KATNAL2: variants seen among roughly 807,000 people sequenced by gnomAD.
The protein encoded by KATNAL2 is katanin p60 ATPase-containing subunit A-like 2.
Under a neutral mutation model 76.3 loss-of-function variants are expected in KATNAL2, and 52 were observed. That is an observed-to-expected ratio of 0.68 (90% CI 0.55 to 0.86). KATNAL2 has a LOEUF of 0.86. Ranked by LOEUF, KATNAL2 falls within the 40% of genes least tolerant of loss-of-function variation. The probability of loss-of-function intolerance (pLI) is 0.00; values close to 1 mark genes in which losing one functional copy is unlikely to be tolerated. For synonymous variants in KATNAL2, 243 were observed against 244.2 expected, an observed-to-expected ratio of 1.00 and a Z score of 0.05; for missense variants, 660 against 668.9, an observed-to-expected ratio of 0.99 and a Z score of 0.15.
chr18:47,101,107 T>C lies in KATNAL2; in HGVS notation c.*102T>C, dbSNP rs2063432511. 2 of 1,354,694 alleles carry C rather than the reference T, an allele frequency of 1.5e-6. No individual in the cohort carries two copies. Among genetic ancestry groups the C allele is most frequent in the African/African-American group, 2.9e-5 (2 of 68,858 alleles). 83.9% of individuals were successfully genotyped at this position (1,354,694 alleles called of 1,614,324 possible). ...AATGATTGGAATGGAAAAGAGAAAA[T>C]TATTTTTGAAGACTGGATTAACTTG... On this transcript the variant is annotated 3_prime_UTR_variant, in exon 18 of 18. Coordinates refer to ENST00000683218, the MANE Select transcript of KATNAL2 (RefSeq NM_001387690.1).
chr18:46,935,408 A>T (rs548732539), intron 1 of KATNAL2, among the ~76,000 whole-genome samples: 3 of 152,266 alleles, frequency 2.0e-5, no homozygotes, highest in Admixed American at 6.5e-5. Context: ...CCCAGCCAGC[A>T]CAGTTATTTT....
chr18:47,082,878 T>G (rs2147297620), intron 15 of KATNAL2, among the ~76,000 whole-genome samples: 1 of 152,346 alleles, frequency 6.6e-6, no homozygotes, highest in South Asian at 2.1e-4. Flanking sequence ...CCGCAGAGGT[T>G]GTACCACTTT....
chr18:47,075,426 CTT>C (rs911540174), intron 14 of KATNAL2, 58 bp downstream of exon 14: 2 of 1,270,862 alleles, frequency 1.6e-6, no homozygotes, highest in Non-Finnish European at 2.1e-6. Context: ...CTTCTCCCCT[CTT>C]GTGTGTTTGA....
chr18:46,932,460 A>G (rs2058956604), intron 1 of KATNAL2, among the ~76,000 whole-genome samples: 1 of 151,708 alleles, frequency 6.6e-6, no homozygotes, highest in Non-Finnish European at 1.5e-5. Context: ...GGATTACCTG[A>G]GGTCAGGAGT....
chr18:46,953,604 A>G (rs764121210), intron 3 of KATNAL2, among the ~76,000 whole-genome samples: 3 of 152,182 alleles, frequency 2.0e-5, no homozygotes, highest in African/African-American at 4.8e-5. Context: ...AAAAATAAGC[A>G]AAATGAACTG....
At chr18:47,073,149 C>T (rs568466664) in intron 13 of KATNAL2, among the ~76,000 whole-genome samples, 105 of 152,248 alleles carry the variant, frequency 6.9e-4, no homozygotes, top group Non-Finnish European at 9.1e-4. Context: ...TTTGCTTCTC[C>T]ACACCCTGGC....
Position 46,946,174 on chromosome 18 carries a change from G to C in KATNAL2, c.-392G>C. The C allele has an allele frequency of 1.0e-6, 1 of 991,242 alleles. No individual in the cohort carries two copies. The highest frequency in any genetic ancestry group is 1.2e-6 in the Non-Finnish European group (1 of 826,716). The allele number at this position is 991,242 out of a possible 1,614,324, so 61.4% of individuals were successfully genotyped here. ...ATTTGGAATAGGATTCACAGCAAGAGAGACAGAAGGGAAAGACATTGAAGA... is the reference window on the plus strand; with the variant it reads ...ATTTGGAATAGGATTCACAGCAAGACAGACAGAAGGGAAAGACATTGAAGA... On this transcript the variant is annotated 5_prime_UTR_variant, in exon 2 of 18. Coordinates refer to ENST00000683218, the MANE Select transcript of KATNAL2 (RefSeq NM_001387690.1).
intron 1 of KATNAL2, among the ~76,000 whole-genome samples, chr18:46,930,688 A>AGTTGGGAG (rs2058880448): frequency 6.6e-6 from 1 of 150,950 alleles, no homozygotes; most frequent in Non-Finnish European, 1.5e-5. Flanking sequence ...TGTGGCAGGC[A>AGTTGGGAG]CCTGTAATTC....
chr18:47,073,552 A>G (rs1245006289), intron 13 of KATNAL2, among the ~76,000 whole-genome samples: 1 of 152,176 alleles, frequency 6.6e-6, no homozygotes, highest in African/African-American at 2.4e-5. Flanking sequence ...ACCCTTCAGG[A>G]CCTTCCCCTA....
Position 47,059,087 on chromosome 18 carries a change from A to G in KATNAL2, c.451-469A>G, listed in dbSNP as rs181407108. On this transcript the variant is annotated intron_variant, in intron 7 of 17. Coordinates refer to ENST00000683218, the MANE Select transcript of KATNAL2 (RefSeq NM_001387690.1). The stretch of plus-strand genomic sequence containing the variant: ...TCACAATATCCGATTGGTCAAAAGG[A>G]TTCTCTCCCCCTCAAGGAGGTCCTA... Among the ~76,000 whole-genome samples, 7 of 152,276 alleles carry G rather than the reference A, an allele frequency of 4.6e-5. No homozygotes were observed. In the East Asian group the frequency reaches 9.7e-4, roughly 21 times the overall value.
In KATNAL2 at chr18:46,961,814, G is replaced by A. The variant is rs530724384; in HGVS notation, c.51+14891G>A. ...ATGGCATTTTTGATTTGGGCTTTCT[G>A]CTAGGTAAAAAAGTCAAAACACTGC... On this transcript the variant is annotated intron_variant, in intron 3 of 17. Transcript: ENST00000683218. Among the ~76,000 whole-genome samples, 20 of 152,268 alleles carry A rather than the reference G, an allele frequency of 1.3e-4. No individual in the cohort carries two copies. The South Asian group carries it at 3.9e-3, about 30-fold the overall frequency.
chr18:47,071,074 A>T (rs1433700951), intron 13 of KATNAL2, among the ~76,000 whole-genome samples: 2 of 152,138 alleles, frequency 1.3e-5, no homozygotes, highest in African/African-American at 4.8e-5. Context: ...TATTCACAGG[A>T]TGCAAAACCC....
At chr18:46,941,538 A>G (rs2059246213) in intron 1 of KATNAL2, among the ~76,000 whole-genome samples, 1 of 152,116 alleles carries the variant, frequency 6.6e-6, no homozygotes, top group Admixed American at 6.6e-5. Context: ...ATAAAAATAA[A>G]GTGCCTTGAG....
intron 1 of KATNAL2, among the ~76,000 whole-genome samples, chr18:46,944,758 A>T (rs933628583): frequency 2.6e-5 from 4 of 152,044 alleles, no homozygotes; most frequent in Non-Finnish European, 5.9e-5. Flanking sequence ...AAATAAAAAT[A>T]AAAAATAAAG....
At chr18:47,096,724 T>G (rs2063256538) in intron 15 of KATNAL2, among the ~76,000 whole-genome samples, 1 of 152,186 alleles carries the variant, frequency 6.6e-6, no homozygotes, top group Non-Finnish European at 1.5e-5. Flanking sequence ...CTCAAGATGA[T>G]CTATTGATAA....
chr18:46,925,054 C>T (rs1012222446), intron 1 of KATNAL2, among the ~76,000 whole-genome samples: 1 of 152,094 alleles, frequency 6.6e-6, no homozygotes, highest in African/African-American at 2.4e-5. Flanking sequence ...TTCCTCTTTT[C>T]CCAATTGAAT....
chr18:47,047,478 G>A (rs917388803), intron 4 of KATNAL2, among the ~76,000 whole-genome samples: 9 of 151,946 alleles, frequency 5.9e-5, no homozygotes, highest in African/African-American at 9.7e-5. Flanking sequence ...CTTCTTCCTC[G>A]CAATGCCCAT....
intron 15 of KATNAL2, among the ~76,000 whole-genome samples, chr18:47,080,990 C>T (rs1415955821): frequency 6.7e-6 from 1 of 148,492 alleles, no homozygotes; most frequent in Non-Finnish European, 1.5e-5. Flanking sequence ...CTTCCTTCCT[C>T]CCTCCCTCCT....
rs769648862 is a variant in KATNAL2, at chr18:47,100,237, T to A, written c.1375-17T>A. 1.0e-5 allele frequency: 16 copies of A among 1,603,754 alleles called. No homozygotes were observed. In the East Asian group the frequency reaches 2.2e-4, roughly 22 times the overall value. On this transcript the variant is annotated splice_polypyrimidine_tract_variant and intron_variant, in intron 16 of 17. Transcript: ENST00000683218. ...ATTCTGCCCACTGACCAATGGCTGGTTTTTTGGCTGTTTCAGGAGACTGAG... is the reference window on the plus strand; with the variant it reads ...ATTCTGCCCACTGACCAATGGCTGGATTTTTGGCTGTTTCAGGAGACTGAG...
Sources: allele counts gnomAD v4.1 joint callset (sites outside exome capture counted in the v4.1 genomes callset), GRCh38; gene constraint gnomAD v4.1.1; transcripts MANE v1.5; gene names NCBI Gene and HGNC (gene_info 2026-07-23, HGNC 2026-07-21).